The following BBS9 variants were observed in gnomAD, a reference collection of about 807,000 sequenced individuals.
BBS9 encodes Bardet-Biedl syndrome 9, also known as protein PTHB1.
In BBS9, 89 loss-of-function variants were observed where a neutral mutation model predicts 117.7. That is an observed-to-expected ratio of 0.76 (90% CI 0.64 to 0.90). BBS9 has a LOEUF of 0.90. Ranked by LOEUF, BBS9 falls within the 40% of genes least tolerant of loss-of-function variation. The pLI, the probability that BBS9 is intolerant of heterozygous loss-of-function variation, is 0.00. For missense variants in BBS9, 982 were observed against 1,042.2 expected (o/e 0.94, Z 0.80); for synonymous variants, 379 against 370.9 (o/e 1.02, Z -0.25).
chr7:33,323,271 T>A (rs1812109778), intron 9 of BBS9, among the ~76,000 whole-genome samples: 1 of 152,168 alleles, frequency 6.6e-6, no homozygotes, highest in South Asian at 2.1e-4. Flanking sequence ...TGCTGGTTAA[T>A]CCGATGTTTC....
chr7:33,554,396 G>A (rs980833975), intron 21 of BBS9, among the ~76,000 whole-genome samples: 1 of 152,122 alleles, frequency 6.6e-6, no homozygotes, highest in African/African-American at 2.4e-5. Flanking sequence ...GGTTGACTGG[G>A]GTTATGGCAA....
intron 5 of BBS9, chr7:33,243,031 A>G (rs1247122840): frequency 1.9e-6 from 1 of 517,016 alleles, no homozygotes; most frequent in Non-Finnish European, 3.9e-6. Context: ...TTCCCAAGTT[A>G]TAGAATAGTT....
intron 9 of BBS9, among the ~76,000 whole-genome samples, chr7:33,291,584 A>T (rs1204621940): frequency 1.3e-5 from 2 of 152,204 alleles, no homozygotes; most frequent in East Asian, 3.9e-4. Flanking sequence ...TACGTTTAGA[A>T]TATTAAAATG....
intron 19 of BBS9, among the ~76,000 whole-genome samples, chr7:33,405,257 T>C (rs1056679506): frequency 6.6e-6 from 1 of 152,244 alleles, no homozygotes; most frequent in African/African-American, 2.4e-5. Flanking sequence ...CAGTATTTTA[T>C]TGAGGTTTTT....
At chr7:33,600,360 A>G (rs1005233733) in intron 21 of BBS9, among the ~76,000 whole-genome samples, 2 of 151,454 alleles carry the variant, frequency 1.3e-5, no homozygotes, top group Non-Finnish European at 2.9e-5. Flanking sequence ...GCCTTTTACA[A>G]AAGTATTGGT....
In BBS9 at chr7:33,585,809, G is replaced by A. The variant is rs549068209; in HGVS notation, c.2522-19056G>A. Among the ~76,000 whole-genome samples the A allele has an allele frequency of 3.3e-5, 5 of 151,922 alleles. No individual in the cohort carries two copies. In the South Asian group the frequency reaches 1.0e-3, roughly 32 times the overall value. ...CTGTACATTCCTGCCTTGTACATTC[G>A]TACCTTTTTTTGAGTTTCTTCAATT... is the stretch of plus-strand genomic sequence containing the variant. On this transcript the variant is annotated intron_variant, in intron 21 of 22. Transcript: ENST00000242067.
intron 5 of BBS9, among the ~76,000 whole-genome samples, chr7:33,196,503 A>T (rs1448198513): frequency 6.6e-6 from 1 of 152,150 alleles, no homozygotes; most frequent in Non-Finnish European, 1.5e-5. Context: ...TAAAAGATTA[A>T]CGCTGTTTTC....
intron 19 of BBS9, among the ~76,000 whole-genome samples, chr7:33,489,618 A>C (rs891288564): frequency 6.6e-6 from 1 of 152,118 alleles, no homozygotes; most frequent in East Asian, 1.9e-4. Context: ...TAATCTGTGT[A>C]ATCTTTCTTA....
intron 5 of BBS9, among the ~76,000 whole-genome samples, chr7:33,182,123 T>C (rs113568516): frequency 3.3e-5 from 5 of 152,230 alleles, no homozygotes; most frequent in Admixed American, 1.3e-4. Flanking sequence ...AAAACTATCC[T>C]TTAACCCTCT....
At chr7:33,613,138 A>C (rs1585477509) in intron 21 of BBS9, among the ~76,000 whole-genome samples, 1 of 152,176 alleles carries the variant, frequency 6.6e-6, no homozygotes, top group East Asian at 1.9e-4. Context: ...CTTTAGAAGA[A>C]AGTAATTAGG....
At chr7:33,419,530 T>C (rs1256809199) in intron 19 of BBS9, among the ~76,000 whole-genome samples, 6 of 152,162 alleles carry the variant, frequency 3.9e-5, no homozygotes, top group Non-Finnish European at 1.5e-5. Flanking sequence ...GATTGTCTTA[T>C]AATAATAAAA....
At chr7:33,583,802 C>A (rs893531724) in intron 21 of BBS9, among the ~76,000 whole-genome samples, 3 of 151,980 alleles carry the variant, frequency 2.0e-5, no homozygotes, top group Non-Finnish European at 4.4e-5. Flanking sequence ...AGCTGTGTGA[C>A]CTTGGGTAAG....
intron 18 of BBS9, among the ~76,000 whole-genome samples, chr7:33,387,240 A>G (rs527930002): frequency 1.3e-3 from 202 of 152,302 alleles, no homozygotes; most frequent in African/African-American, 4.6e-3. Flanking sequence ...ATACATTTCT[A>G]GAAGTGGGAT....
At chr7:33,170,719 A>T (rs1485080713) in intron 4 of BBS9, among the ~76,000 whole-genome samples, 2 of 148,284 alleles carry the variant, frequency 1.3e-5, no homozygotes, top group African/African-American at 5.0e-5. Flanking sequence ...GTCTCAGCCC[A>T]AAATCTCCTT....
intron 5 of BBS9, among the ~76,000 whole-genome samples, chr7:33,256,861 C>T (rs150789445): frequency 1.3e-3 from 202 of 152,202 alleles, no homozygotes; most frequent in African/African-American, 4.5e-3. Flanking sequence ...CTAGATCTTT[C>T]TCAGATTAGG....
At chr7:33,613,616 T>C (rs533372573) in intron 21 of BBS9, among the ~76,000 whole-genome samples, 1 of 152,042 alleles carries the variant, frequency 6.6e-6, no homozygotes, top group South Asian at 2.1e-4. Context: ...GACAAAAACC[T>C]CATTCGCTTA....
In BBS9 at chr7:33,479,686, C is replaced by T. The variant is rs191688507; in HGVS notation, c.2116-25777C>T. Among the ~76,000 whole-genome samples the T allele has an allele frequency of 1.7e-3, 260 of 152,324 alleles. 1 individual carries two copies. Among genetic ancestry groups the T allele is most frequent in the African/African-American group, 5.5e-3 (230 of 41,588 alleles). On this transcript the variant is annotated intron_variant, in intron 19 of 22. Coordinates refer to ENST00000242067, the MANE Select transcript of BBS9 (RefSeq NM_198428.3). Reference sequence around the variant, plus strand: ...AGTTCTTTGAGAAATCTCCAAACTGCTCTCCACAGTGGCTGAACTAATTTA... The same window carrying T: ...AGTTCTTTGAGAAATCTCCAAACTGTTCTCCACAGTGGCTGAACTAATTTA...
chr7:33,529,504 AAC>A (rs1850229105), intron 20 of BBS9, among the ~76,000 whole-genome samples: 1 of 152,166 alleles, frequency 6.6e-6, no homozygotes, highest in Admixed American at 6.5e-5. Context: ...ATCCCCACAA[AAC>A]CCAATGGATA....
chr7:33,435,841 A>G (rs886240180), intron 19 of BBS9, among the ~76,000 whole-genome samples: 10 of 152,144 alleles, frequency 6.6e-5, no homozygotes, highest in African/African-American at 2.2e-4. Flanking sequence ...TGCTTCAGAT[A>G]TGTGAAAACT....
Sources: allele counts gnomAD v4.1 joint callset (sites outside exome capture counted in the v4.1 genomes callset), GRCh38; gene constraint gnomAD v4.1.1; transcripts MANE v1.5; gene names NCBI Gene and HGNC (gene_info 2026-07-23, HGNC 2026-07-21).